Variants in EIF2A observed in about 807,000 individuals in gnomAD.
EIF2A encodes the protein eukaryotic translation initiation factor 2A.
A neutral mutation model predicts 75.2 loss-of-function variants in EIF2A; 62 were observed. That is an observed-to-expected ratio of 0.82 (90% CI 0.67 to 1.02). The LOEUF (loss-of-function observed/expected upper bound fraction) is 1.02, where lower values mean the gene tolerates loss of function less well. Ranked by LOEUF, EIF2A falls within the 50% of genes least tolerant of loss-of-function variation. EIF2A has a pLI of 0.00. For synonymous variants in EIF2A, 207 were observed against 239.0 expected (o/e 0.87, Z 1.23); for missense variants, 611 against 677.7 (o/e 0.90, Z 1.09).
intron 3 of EIF2A, 141 bp downstream of exon 3, chr3:150,558,603 C>A: frequency 1.6e-6 from 1 of 639,296 alleles, no homozygotes; most frequent in Non-Finnish European, 2.4e-6. Flanking sequence ...CCTCTCGTTA[C>A]ACAAAATACC....
At chr3:150,548,487 C>T (rs568816578) in intron 1 of EIF2A, among the ~76,000 whole-genome samples, 11 of 152,288 alleles carry the variant, frequency 7.2e-5, no homozygotes, top group Admixed American at 3.9e-4. Context: ...AGTACTAGTG[C>T]AGTGCCTGGT....
chr3:150,558,598 C>T (rs1023595507), intron 3 of EIF2A, 136 bp downstream of exon 3: 15 of 689,588 alleles, frequency 2.2e-5, no homozygotes, highest in South Asian at 3.2e-5. Context: ...TATTACCTCT[C>T]GTTACACAAA....
rs1183128825 is a variant in EIF2A, at chr3:150,564,305, A to C, written c.399A>C (p.Pro133=). The part of the protein sequence containing the change: ...FIQKKMQNWC[P]SWSEDETLCA... ...TTTTTTTTCATTGACATAGGTGTCCATCCTGGTCAGAAGATGAAACTCTTT... is the reference window on the plus strand; with the variant it reads ...TTTTTTTTCATTGACATAGGTGTCCCTCCTGGTCAGAAGATGAAACTCTTT... The change falls in exon 6 of 14, where the codon CCA becomes CCC. Residue 133 remains proline (P), a synonymous_variant. Coordinates refer to ENST00000460851, the MANE Select transcript of EIF2A (RefSeq NM_032025.5). 5 of 1,583,696 alleles carry C rather than the reference A, an allele frequency of 3.2e-6. No individual in the cohort carries two copies. Among genetic ancestry groups the C allele is most frequent in the Middle Eastern group, 1.7e-4 (1 of 5,754 alleles).
chr3:150,569,587 C>T (rs1336929560), intron 9 of EIF2A, among the ~76,000 whole-genome samples: 4 of 151,924 alleles, frequency 2.6e-5, no homozygotes, highest in Non-Finnish European at 4.4e-5. Flanking sequence ...GAGGTTGAGG[C>T]GGGCAGATCA....
intron 5 of EIF2A, among the ~76,000 whole-genome samples, chr3:150,563,824 TTTTG>T (rs1296819866): frequency 2.0e-5 from 3 of 152,172 alleles, no homozygotes; most frequent in Non-Finnish European, 4.4e-5. Flanking sequence ...GTTTTCTTTT[TTTTG>T]TTTGTTTGAG....
At chr3:150,559,161 A>T (rs1018378263) in intron 3 of EIF2A, among the ~76,000 whole-genome samples, 4 of 152,236 alleles carry the variant, frequency 2.6e-5, no homozygotes, top group Non-Finnish European at 5.9e-5. Context: ...AACTGCATGC[A>T]TTAGTTTGAA....
chr3:150,568,156 T>TA lies in EIF2A; in HGVS notation c.695-17dup. On this transcript the variant is annotated intron_variant, in intron 8 of 13. Transcript: ENST00000460851. ...TGCCCATTTGTGTTTTAAATCTAATTAAAGTTTTTACTGTTATAGCTACTG... is the reference window on the plus strand; with the variant it reads ...TGCCCATTTGTGTTTTAAATCTAATTAAAAGTTTTTACTGTTATAGCTACTG... 6.2e-7 allele frequency: 1 copy of TA among 1,606,324 alleles called. No individual in the cohort carries two copies. Among genetic ancestry groups the TA allele is most frequent in the Non-Finnish European group, 8.5e-7 (1 of 1,177,496 alleles).
intron 2 of EIF2A, among the ~76,000 whole-genome samples, chr3:150,556,635 A>T (rs1003964450): frequency 3.9e-5 from 6 of 152,138 alleles, no homozygotes; most frequent in African/African-American, 1.4e-4. Flanking sequence ...ATTGGCTCTG[A>T]GTTAATAGTT....
chr3:150,562,400 A>C (rs867254289), intron 3 of EIF2A, 142 bp from the exon 4 acceptor site: 14 of 527,828 alleles, frequency 2.7e-5, no homozygotes, highest in African/African-American at 9.9e-5. Flanking sequence ...CCAACCTGGG[A>C]GACAGCGAGA....
rs138976316 is a variant in EIF2A at position 150,552,136 on chromosome 3, G to A, written c.29-220G>A. On this transcript the variant is annotated intron_variant, in intron 1 of 13. Coordinates refer to ENST00000460851, the MANE Select transcript of EIF2A (RefSeq NM_032025.5). ...TTTCTTTCAGTGGTGACAAAGTTTC[G>A]AGTTTTATTTAAAAAGTTACGTATT... is the stretch of plus-strand genomic sequence containing the variant. Among the ~76,000 whole-genome samples, 6 of 152,132 alleles carry A rather than the reference G, an allele frequency of 3.9e-5. No homozygotes were observed. The East Asian group carries it at 9.7e-4, about 24-fold the overall frequency.
chr3:150,547,214 C>G lies in EIF2A; in HGVS notation c.28+384C>G, dbSNP rs538351990. ...ACAAAGACAAACATGAGTTAGTCCTCTAGAATGATCACGCACTTTAAATAC... is the reference window on the plus strand; with the variant it reads ...ACAAAGACAAACATGAGTTAGTCCTGTAGAATGATCACGCACTTTAAATAC... On this transcript the variant is annotated intron_variant, in intron 1 of 13. Transcript: ENST00000460851. 28 of 231,542 alleles carry G rather than the reference C, an allele frequency of 1.2e-4. No individual in the cohort carries two copies. The South Asian group carries it at 1.5e-3, about 13-fold the overall frequency. The allele number at this position is 231,542 out of a possible 1,614,324, so 14.3% of individuals were successfully genotyped here.
Position 150,583,253 on chromosome 3 carries a change from A to G in EIF2A, c.1680A>G (p.Leu560=), listed in dbSNP as rs991590603. Residue 560 remains leucine, a synonymous_variant, in exon 13 of 14, where the codon CTA becomes CTG. Coordinates refer to ENST00000460851, the MANE Select transcript of EIF2A (RefSeq NM_032025.5). ...LKEQAATGKQ[L]EKNQLEKIQK... ...AACAAGCAGCAACTGGAAAACAGCT[A>G]GAAAAAAATCAGGTACTTTCTGCAT... The G allele has an allele frequency of 2.5e-6, 4 of 1,613,150 alleles. No individual in the cohort carries two copies. Among genetic ancestry groups the G allele is most frequent in the Non-Finnish European group, 2.5e-6 (3 of 1,179,604 alleles).
In EIF2A at chr3:150,585,156, G is replaced by GT. The variant is rs1351420178; in HGVS notation, c.*1246dup. Among the ~76,000 whole-genome samples the GT allele has an allele frequency of 6.6e-6, 1 of 152,106 alleles. No individual in the cohort carries two copies. The highest frequency in any genetic ancestry group is 2.4e-5 in the African/African-American group (1 of 41,426). ...GTGATCCTTCACCTCCTCCTTCCAA[G>GT]TATCTGACACTACAGGCTTGCATCA... On this transcript the variant is annotated 3_prime_UTR_variant, in exon 14 of 14. Transcript: ENST00000460851.
Position 150,564,362 on chromosome 3 carries a change from C to T in EIF2A, c.456C>T (p.Phe152=). Residue 152 remains phenylalanine (F), a synonymous_variant, in exon 6 of 14, where the codon TTC becomes TTT. Coordinates refer to ENST00000460851, the MANE Select transcript of EIF2A (RefSeq NM_032025.5). ...GCAATGTTAACAATGAAGTTCACTT[C>T]TTTGAAAACAACAATTTTAGTATGG... ...CARNVNNEVH[F]FENNNFNTIA... 6.3e-7 allele frequency: 1 copy of T among 1,598,438 alleles called. No homozygotes were observed. Among genetic ancestry groups the T allele is most frequent in the Non-Finnish European group, 8.5e-7 (1 of 1,173,480 alleles).
chr3:150,552,755 T>C (rs2107903498), intron 2 of EIF2A: 1 of 182,456 alleles, frequency 5.5e-6, no homozygotes, highest in East Asian at 1.4e-4. Flanking sequence ...AGCCAAATCA[T>C]GGCCAGTAAT....
Position 150,558,380 on chromosome 3 carries a change from AT to A in EIF2A, c.99-4del. 1 of 1,497,424 alleles carries A rather than the reference AT, an allele frequency of 6.7e-7. No individual in the cohort carries two copies. The highest frequency in any genetic ancestry group is 8.8e-7 in the Non-Finnish European group (1 of 1,132,156). 92.8% of individuals were successfully genotyped at this position (1,497,424 alleles called of 1,614,324 possible). ...TTCATTTAAACCTTTTTTTTTTGTC[AT>A]TTTCAGGGAATCTGGGAAGAATTGC... On this transcript the variant is annotated splice_polypyrimidine_tract_variant and splice_region_variant and intron_variant, in intron 2 of 13. Coordinates refer to ENST00000460851, the MANE Select transcript of EIF2A (RefSeq NM_032025.5).
At chr3:150,570,191 AAAT>A (rs1175671075) in intron 9 of EIF2A, among the ~76,000 whole-genome samples, 21 of 152,316 alleles carry the variant, frequency 1.4e-4, no homozygotes, top group East Asian at 3.9e-4. Context: ...TAAGGGGAAA[AAAT>A]AATGAATTTG....
chr3:150,560,144 A>G (rs1723775152), intron 3 of EIF2A, among the ~76,000 whole-genome samples: 1 of 152,190 alleles, frequency 6.6e-6, no homozygotes, highest in Non-Finnish European at 1.5e-5. Context: ...GTTCACTCAT[A>G]TCCACACTTA....
intron 3 of EIF2A, among the ~76,000 whole-genome samples, chr3:150,561,438 C>T (rs150140353): frequency 2.4e-3 from 370 of 152,212 alleles, no homozygotes; most frequent in African/African-American, 8.4e-3. Flanking sequence ...ATTAGCCAGG[C>T]GTGGTGGCAT....
Sources: allele counts gnomAD v4.1 joint callset (sites outside exome capture counted in the v4.1 genomes callset), GRCh38; gene constraint gnomAD v4.1.1; transcripts MANE v1.5; gene names NCBI Gene and HGNC (gene_info 2026-07-23, HGNC 2026-07-21).